IGFBP7: variants seen among roughly 807,000 people sequenced by gnomAD.
IGFBP7 encodes insulin-like growth factor-binding protein 7.
In IGFBP7, 31 loss-of-function variants were observed where a neutral mutation model predicts 29.4. That is an observed-to-expected ratio of 1.05 (90% CI 0.79 to 1.42). IGFBP7 has a LOEUF of 1.42. Ranked by LOEUF, IGFBP7 falls within the 40% of genes most tolerant of loss-of-function variation. IGFBP7 has a pLI of 0.00. For synonymous variants in IGFBP7, 172 were observed against 174.9 expected (o/e 0.98, Z 0.13); for missense variants, 393 against 395.5 (o/e 0.99, Z 0.05).
chr4:57,100,598 T>C (rs937762926), intron 1 of IGFBP7, among the ~76,000 whole-genome samples: 4 of 152,252 alleles, frequency 2.6e-5, no homozygotes, highest in Non-Finnish European at 5.9e-5. Flanking sequence ...CTTTTAGATG[T>C]ATTTAGACAC....
chr4:57,061,737 A>C lies in IGFBP7; in HGVS notation c.476-20804T>G, dbSNP rs142729016. On this transcript the variant is annotated intron_variant, in intron 1 of 4. Coordinates refer to ENST00000295666, the MANE Select transcript of IGFBP7 (RefSeq NM_001553.3). The stretch of plus-strand genomic sequence containing the variant: ...ACCAAAACTGACTGCATATAACTGA[A>C]ACTGGAAAGCAAAACCATGGATGAG... 1.9e-3 allele frequency among the ~76,000 whole-genome samples: 297 copies of C among 152,354 alleles called. 1 individual carries two copies. The highest frequency in any genetic ancestry group is 7.0e-3 in the African/African-American group (290 of 41,578).
At chr4:57,077,814 C>T (rs1018457340) in intron 1 of IGFBP7, among the ~76,000 whole-genome samples, 11 of 152,170 alleles carry the variant, frequency 7.2e-5, no homozygotes, top group African/African-American at 2.7e-4. Flanking sequence ...GGCTAAATGA[C>T]TTAACGGTTT....
rs764137967 is a variant in IGFBP7 at position 57,032,447 on chromosome 4, G to A, written c.808C>T (p.His270Tyr). Residue 270 changes from histidine to tyrosine, a missense_variant, in exon 4 of 5, where the codon CAT becomes TAT. Physicochemically the swap from His to Tyr is moderately conservative, Grantham distance 83 (BLOSUM62 2). Coordinates refer to ENST00000295666, the MANE Select transcript of IGFBP7 (RefSeq NM_001553.3). ...GTACCTTTTTTCACTGGTATTTCATGTAAGGCATCAACCACTGTAATTTTT... is the reference window on the plus strand; with the variant it reads ...GTACCTTTTTTCACTGGTATTTCATATAAGGCATCAACCACTGTAATTTTT... ...SAKITVVDAL[H>Y]EIPVKKGEGA... is the part of the protein sequence containing the mutation. 3.1e-6 allele frequency: 5 copies of A among 1,613,568 alleles called. No individual in the cohort carries two copies. In the Admixed American group the frequency reaches 8.3e-5, roughly 27 times the overall value.
intron 1 of IGFBP7, among the ~76,000 whole-genome samples, chr4:57,044,444 T>C (rs1157632021): frequency 6.6e-6 from 1 of 152,244 alleles, no homozygotes; most frequent in African/African-American, 2.4e-5. Context: ...CCCAAGGCTA[T>C]GAAGATCTCC....
intron 1 of IGFBP7, among the ~76,000 whole-genome samples, chr4:57,088,760 G>A (rs571010636): frequency 6.6e-6 from 1 of 152,144 alleles, no homozygotes; most frequent in Non-Finnish European, 1.5e-5. Flanking sequence ...TGGGCACGGT[G>A]GCTCACGTCT....
intron 1 of IGFBP7, among the ~76,000 whole-genome samples, chr4:57,065,046 G>T (rs564340362): frequency 6.6e-6 from 1 of 152,232 alleles, no homozygotes; most frequent in Non-Finnish European, 1.5e-5. Context: ...AGATAAGGCT[G>T]GCTCCAGGGA....
chr4:57,076,562 C>A (rs754510760), intron 1 of IGFBP7, among the ~76,000 whole-genome samples: 1 of 152,210 alleles, frequency 6.6e-6, no homozygotes, highest in Non-Finnish European at 1.5e-5. Flanking sequence ...CTGTACAGAT[C>A]CGACAGTCTT....
chr4:57,044,343 A>T (rs1724308029), intron 1 of IGFBP7, among the ~76,000 whole-genome samples: 1 of 152,132 alleles, frequency 6.6e-6, no homozygotes, highest in African/African-American at 2.4e-5. Flanking sequence ...TTTAAAACAG[A>T]TGTTCTTAGT....
intron 1 of IGFBP7, among the ~76,000 whole-genome samples, chr4:57,044,582 A>C (rs1351739741): frequency 6.6e-6 from 1 of 152,158 alleles, no homozygotes; most frequent in Non-Finnish European, 1.5e-5. Flanking sequence ...AAGGACATCC[A>C]ATTGCTTCAG....
rs1284908439 is a variant in IGFBP7, at chr4:57,109,925, G to C, written c.427C>G (p.Arg143Gly). 2 of 1,557,860 alleles carry C rather than the reference G, an allele frequency of 1.3e-6. No homozygotes were observed. The highest frequency in any genetic ancestry group is 1.7e-6 in the Non-Finnish European group (2 of 1,158,198). The change falls in exon 1 of 5, where the codon CGC becomes GGC. Residue 143 changes from arginine to glycine, a missense_variant. Transcript: ENST00000295666. ...ACCTGGGTGATGGCCTTCTCCCCGC[G>C]GCTCTCGGCCCTCTGGCTGGCGGCG... Reference protein sequence around the residue: ...LRAASQRAESRGEKAITQVSK... With the variant: ...LRAASQRAESGGEKAITQVSK...
At chr4:57,085,739 T>G (rs938183466) in intron 1 of IGFBP7, among the ~76,000 whole-genome samples, 1 of 152,214 alleles carries the variant, frequency 6.6e-6, no homozygotes, top group African/African-American at 2.4e-5. Flanking sequence ...AAATTGGTTT[T>G]CCACAGCCTT....
Position 57,110,265 on chromosome 4 carries a change from C to A in IGFBP7, c.87G>T (p.Ser29=). ...LLLPLSSSSS[S]DTCGPCEPAS... ...CCGGCTCGCAGGGGCCGCAGGTGTC[C>A]GAAGAGGAGGAAGAGGAGAGGGGCA... Residue 29 remains serine, a synonymous_variant, in exon 1 of 5, where the codon TCG becomes TCT. Transcript: ENST00000295666. The A allele has an allele frequency of 1.4e-6, 2 of 1,421,364 alleles. No homozygotes were observed. The highest frequency in any genetic ancestry group is 9.2e-7 in the Non-Finnish European group (1 of 1,088,722). 88.0% of individuals were successfully genotyped at this position (1,421,364 alleles called of 1,614,324 possible). A position where few individuals can be genotyped will look rare whatever the true frequency, so the allele number is the denominator to read the frequency against.
chr4:57,053,609 T>C (rs1480963201), intron 1 of IGFBP7, among the ~76,000 whole-genome samples: 2 of 152,156 alleles, frequency 1.3e-5, no homozygotes, highest in Non-Finnish European at 2.9e-5. Flanking sequence ...TGAGCTAACG[T>C]ATTCAGCAGA....
At chr4:57,074,502 A>G (rs950761863) in intron 1 of IGFBP7, among the ~76,000 whole-genome samples, 2 of 152,210 alleles carry the variant, frequency 1.3e-5, no homozygotes, top group East Asian at 1.9e-4. Flanking sequence ...TGAAAGTACT[A>G]TAGGCTTCAC....
intron 1 of IGFBP7, among the ~76,000 whole-genome samples, chr4:57,067,102 T>C (rs1248523461): frequency 6.6e-6 from 1 of 152,170 alleles, no homozygotes; most frequent in Non-Finnish European, 1.5e-5. Context: ...CAGTTATTTA[T>C]TTGGGAACAT....
chr4:57,096,852 G>A (rs1406841339), intron 1 of IGFBP7, among the ~76,000 whole-genome samples: 1 of 152,118 alleles, frequency 6.6e-6, no homozygotes, highest in Non-Finnish European at 1.5e-5. Context: ...ATTTTTAAAT[G>A]ATTTTTAAAA....
intron 4 of IGFBP7, chr4:57,032,218 T>C (rs1037697676): frequency 7.4e-7 from 1 of 1,345,288 alleles, no homozygotes; most frequent in Admixed American, 3.2e-5. Context: ...TAAAAGCATC[T>C]AAGTCATAAT....
At chr4:57,051,417 C>A (rs1724499888) in intron 1 of IGFBP7, among the ~76,000 whole-genome samples, 2 of 152,212 alleles carry the variant, frequency 1.3e-5, no homozygotes, top group South Asian at 4.1e-4. Flanking sequence ...CAGATTTAAT[C>A]TCAGGCTTTT....
At chr4:57,042,447 T>C (rs1195305339) in intron 1 of IGFBP7, among the ~76,000 whole-genome samples, 4 of 152,216 alleles carry the variant, frequency 2.6e-5, no homozygotes, top group Admixed American at 2.0e-4. Flanking sequence ...CCTCCCGGGT[T>C]CAAGCTCAAG....
Sources: allele counts gnomAD v4.1 joint callset (sites outside exome capture counted in the v4.1 genomes callset), GRCh38; gene constraint gnomAD v4.1.1; transcripts MANE v1.5; gene names NCBI Gene and HGNC (gene_info 2026-07-23, HGNC 2026-07-21).